Variants in TMEM163 observed in about 807,000 individuals in gnomAD.
TMEM163 encodes transmembrane protein 163.
Under a neutral mutation model 29.3 loss-of-function variants are expected in TMEM163, and 17 were observed. That is an observed-to-expected ratio of 0.58 (90% CI 0.40 to 0.87). The LOEUF (loss-of-function observed/expected upper bound fraction) is 0.87. TMEM163 is among the 40% of genes least tolerant of loss of function. The pLI, the probability that TMEM163 is intolerant of heterozygous loss-of-function variation, is 0.00. For synonymous variants in TMEM163, 157 were observed against 160.6 expected (o/e 0.98, Z 0.17); for missense variants, 303 against 381.5 (o/e 0.79, Z 1.71).
chr2:134,635,155 T>C (rs188551766), intron 2 of TMEM163, among the ~76,000 whole-genome samples: 31 of 152,342 alleles, frequency 2.0e-4, no homozygotes, highest in African/African-American at 7.2e-4. Context: ...TAAAAACATT[T>C]ATGAAAATCC....
chr2:134,691,692 C>G (rs1241830917), intron 2 of TMEM163, among the ~76,000 whole-genome samples: 1 of 152,164 alleles, frequency 6.6e-6, no homozygotes, highest in Non-Finnish European at 1.5e-5. Flanking sequence ...CTCTTGGCAA[C>G]CTGGCTTCCT....
rs114380084 is a variant in TMEM163 at position 134,505,828 on chromosome 2, C to T, written c.459-2831G>A. Among the ~76,000 whole-genome samples, 779 of 152,286 alleles carry T rather than the reference C, an allele frequency of 5.1e-3. 7 individuals are homozygous for T. Among genetic ancestry groups the T allele is most frequent in the African/African-American group, 0.018 (752 of 41,552 alleles). ...ATGAGTGTGAAGGATGCAAGGGCTT[C>T]GTAGGTAATTTATTGCTTACTTATC... On this transcript the variant is annotated intron_variant, in intron 4 of 7. Coordinates refer to ENST00000281924, the MANE Select transcript of TMEM163 (RefSeq NM_030923.5).
chr2:134,458,363 T>G, intron 6 of TMEM163, 190 bp from the exon 7 acceptor site: 1 of 623,154 alleles, frequency 1.6e-6, no homozygotes. Context: ...CCTCCCAGAA[T>G]AGAGCCGTCA....
chr2:134,690,979 G>C (rs746213190), intron 2 of TMEM163, among the ~76,000 whole-genome samples: 1 of 152,148 alleles, frequency 6.6e-6, no homozygotes, highest in Non-Finnish European at 1.5e-5. Context: ...GGTGCCCCAG[G>C]GGTGGGTGAC....
At chr2:134,549,115 A>AC (rs996479862) in intron 4 of TMEM163, among the ~76,000 whole-genome samples, 1 of 152,008 alleles carries the variant, frequency 6.6e-6, no homozygotes, top group African/African-American at 2.4e-5. Context: ...AAAAAAAAAA[A>AC]AAACTAATGC....
At chr2:134,688,171 ACT>A (rs1684386504) in intron 2 of TMEM163, among the ~76,000 whole-genome samples, 4 of 152,098 alleles carry the variant, frequency 2.6e-5, no homozygotes, top group African/African-American at 9.7e-5. Context: ...CTCCTGCCAG[ACT>A]CACAACCCCA....
chr2:134,507,531 A>G (rs761626552), intron 4 of TMEM163, among the ~76,000 whole-genome samples: 49 of 152,170 alleles, frequency 3.2e-4, no homozygotes, highest in Non-Finnish European at 3.5e-4. Flanking sequence ...CTGTGTTTTA[A>G]TAAGCCCTTC....
At chr2:134,647,583 G>A (rs1004303667) in intron 2 of TMEM163, among the ~76,000 whole-genome samples, 2 of 152,086 alleles carry the variant, frequency 1.3e-5, no homozygotes, top group African/African-American at 4.8e-5. Flanking sequence ...ACTGATAGAG[G>A]GATTTACATT....
chr2:134,575,738 A>G (rs1447424219), intron 2 of TMEM163, among the ~76,000 whole-genome samples: 2 of 152,194 alleles, frequency 1.3e-5, no homozygotes, highest in Non-Finnish European at 2.9e-5. Flanking sequence ...TGGAGAGAGA[A>G]CACAAAAGAC....
intron 2 of TMEM163, among the ~76,000 whole-genome samples, chr2:134,570,501 T>TATACATATACACATACAC (rs1392880393): frequency 2.7e-4 from 39 of 143,876 alleles, no homozygotes; most frequent in African/African-American, 1.0e-3. Flanking sequence ...TACATATACA[T>TATACATATACACATACAC]ATACATATAC....
intron 4 of TMEM163, among the ~76,000 whole-genome samples, chr2:134,544,309 A>G (rs1036097192): frequency 3.9e-5 from 6 of 152,208 alleles, no homozygotes; most frequent in African/African-American, 1.2e-4. Flanking sequence ...CACGCCCTCC[A>G]TCTCCAGCAC....
At chr2:134,557,661 G>A (rs532160306) in intron 2 of TMEM163, among the ~76,000 whole-genome samples, 1 of 152,286 alleles carries the variant, frequency 6.6e-6, no homozygotes, top group Admixed American at 6.5e-5. Flanking sequence ...ATTTCTGTGT[G>A]AGCGGAGGGT....
At chr2:134,625,113 C>G (rs1028353809) in intron 2 of TMEM163, among the ~76,000 whole-genome samples, 2 of 151,906 alleles carry the variant, frequency 1.3e-5, no homozygotes, top group Non-Finnish European at 2.9e-5. Flanking sequence ...TGGGTACATG[C>G]TTATCTGAGT....
intron 1 of TMEM163, among the ~76,000 whole-genome samples, chr2:134,718,334 G>T (rs1685082394): frequency 6.6e-6 from 1 of 152,240 alleles, no homozygotes; most frequent in African/African-American, 2.4e-5. Flanking sequence ...GGGGACTACG[G>T]AAAGGAGGAT....
At chr2:134,584,251 G>C (rs1046290101) in intron 2 of TMEM163, among the ~76,000 whole-genome samples, 39 of 152,312 alleles carry the variant, frequency 2.6e-4, no homozygotes, top group Admixed American at 1.8e-3. Flanking sequence ...AAGGAACAAT[G>C]AAAAACCTTG....
intron 2 of TMEM163, among the ~76,000 whole-genome samples, chr2:134,685,175 TGGC>T (rs1684327605): frequency 6.6e-6 from 1 of 152,216 alleles, no homozygotes; most frequent in Non-Finnish European, 1.5e-5. Flanking sequence ...TTAAAGATCC[TGGC>T]TGAGTCAGCT....
At chr2:134,585,193 G>A (rs1396299392) in intron 2 of TMEM163, among the ~76,000 whole-genome samples, 3 of 152,100 alleles carry the variant, frequency 2.0e-5, no homozygotes, top group Admixed American at 6.5e-5. Context: ...TAGAGACAGG[G>A]TCTCACTGTG....
intron 2 of TMEM163, among the ~76,000 whole-genome samples, chr2:134,702,068 A>G (rs997018178): frequency 4.6e-5 from 7 of 152,132 alleles, no homozygotes; most frequent in Admixed American, 1.3e-4. Context: ...GTAGCCCAAA[A>G]AGAAGGATCT....
At chr2:134,704,118 T>C (rs1379463597) in intron 2 of TMEM163, among the ~76,000 whole-genome samples, 1 of 152,150 alleles carries the variant, frequency 6.6e-6, no homozygotes, top group Non-Finnish European at 1.5e-5. Flanking sequence ...GGACACCTAC[T>C]GGGCCTTGGT....
Sources: allele counts gnomAD v4.1 joint callset (sites outside exome capture counted in the v4.1 genomes callset), GRCh38; gene constraint gnomAD v4.1.1; transcripts MANE v1.5; gene names NCBI Gene and HGNC (gene_info 2026-07-23, HGNC 2026-07-21).